The following GRHL2 variants were observed in gnomAD, a reference collection of about 807,000 sequenced individuals.
GRHL2 encodes grainyhead like transcription factor 2.
Under a neutral mutation model 83.8 loss-of-function variants are expected in GRHL2, and 21 were observed. That is an observed-to-expected ratio of 0.25 (90% CI 0.18 to 0.36). GRHL2 has a LOEUF of 0.36. GRHL2 is among the 10% of genes least tolerant of loss of function. The pLI is 1.00. For missense variants in GRHL2, 623 were observed against 781.8 expected (o/e 0.80, Z 2.42); for synonymous variants, 280 against 278.9 (o/e 1.00, Z -0.04).
At chr8:101,497,706 GC>G (rs1278891870) in intron 1 of GRHL2, among the ~76,000 whole-genome samples, 1 of 152,158 alleles carries the variant, frequency 6.6e-6, no homozygotes, top group Non-Finnish European at 1.5e-5. Context: ...CATTATAATT[GC>G]CTTAAATAGG....
chr8:101,577,341 A>G (rs1811953470), intron 6 of GRHL2, 67 bp from the exon 7 acceptor site: 2 of 976,750 alleles, frequency 2.0e-6, no homozygotes, highest in Admixed American at 1.9e-5. Context: ...TAGAACTTCC[A>G]GAACTGGAGA....
rs143927621 is a variant in GRHL2 at position 101,501,372 on chromosome 8, C to T, written c.20+8583C>T. 3.3e-4 allele frequency among the ~76,000 whole-genome samples: 50 copies of T among 152,298 alleles called. No homozygotes were observed. In the East Asian group the frequency reaches 9.4e-3, roughly 29 times the overall value. On this transcript the variant is annotated intron_variant, in intron 1 of 15. Transcript: ENST00000646743. ...TGGCTTCTCTTTATTTTGGCGCCAG[C>T]CTTTCATCTGAACTCTGAATATACA... is the stretch of plus-strand genomic sequence containing the variant.
In GRHL2 at chr8:101,558,399, C is replaced by T. The variant is rs1045509979; in HGVS notation, c.285-20C>T. The T allele has an allele frequency of 1.2e-6, 2 of 1,613,600 alleles. No homozygotes were observed. Among genetic ancestry groups the T allele is most frequent in the Non-Finnish European group, 1.7e-6 (2 of 1,179,796 alleles). Reference sequence around the variant, plus strand: ...TGATTTTTCTAATTCTATCATGTTGCGGGGGGTTTCAACACACAGAAACTG... The same window carrying T: ...TGATTTTTCTAATTCTATCATGTTGTGGGGGGTTTCAACACACAGAAACTG... On this transcript the variant is annotated intron_variant, in intron 3 of 15. Transcript: ENST00000646743.
intron 7 of GRHL2, among the ~76,000 whole-genome samples, chr8:101,595,659 C>G (rs138043874): frequency 4.6e-5 from 7 of 152,010 alleles, no homozygotes; most frequent in African/African-American, 1.7e-4. Flanking sequence ...AGTCGTATAA[C>G]CTTATTCTAA....
At chr8:101,528,339 A>G (rs1385490675) in intron 1 of GRHL2, among the ~76,000 whole-genome samples, 1 of 152,042 alleles carries the variant, frequency 6.6e-6, no homozygotes, top group African/African-American at 2.4e-5. Context: ...TCTAAAAATC[A>G]TGTAACTTGT....
At chr8:101,622,145 ATAAATAT>A (rs1812979601) in intron 9 of GRHL2, among the ~76,000 whole-genome samples, 1 of 152,232 alleles carries the variant, frequency 6.6e-6, no homozygotes, top group African/African-American at 2.4e-5. Context: ...AGTAAATAAA[ATAAATAT>A]TAAATCACTT....
chr8:101,608,907 T>C lies in GRHL2; in HGVS notation c.1098+9756T>C, dbSNP rs188064429. Among the ~76,000 whole-genome samples, 263 of 149,968 alleles carry C rather than the reference T, an allele frequency of 1.8e-3. 24 individuals are homozygous for C. The highest frequency in any genetic ancestry group is 5.9e-3 in the African/African-American group (233 of 39,704). On this transcript the variant is annotated intron_variant, in intron 8 of 15. Transcript: ENST00000646743. ...CAGGTGGACTTAGACATAAGGAAGT[T>C]GGAAGAAGAGTGTATGGTAGGGAAC... is the stretch of plus-strand genomic sequence containing the variant.
At chr8:101,622,138 A>G (rs1008259596) in intron 9 of GRHL2, among the ~76,000 whole-genome samples, 2 of 152,236 alleles carry the variant, frequency 1.3e-5, no homozygotes, top group Non-Finnish European at 2.9e-5. Context: ...GCATCTAAGT[A>G]AATAAAATAA....
At chr8:101,579,751 A>G (rs1371853691) in intron 7 of GRHL2, among the ~76,000 whole-genome samples, 1 of 152,194 alleles carries the variant, frequency 6.6e-6, no homozygotes, top group Admixed American at 6.5e-5. Flanking sequence ...AGGAGCACCG[A>G]TGGTGTCCTG....
chr8:101,576,287 C>A (rs1811931697), intron 6 of GRHL2, among the ~76,000 whole-genome samples: 1 of 152,156 alleles, frequency 6.6e-6, no homozygotes, highest in African/African-American at 2.4e-5. Context: ...GATCACTACT[C>A]ATTGAAGCCT....
At position 101,570,323 on chromosome 8, in the gene GRHL2, G is replaced by T; in HGVS notation, c.679-16G>T. On this transcript the variant is annotated splice_polypyrimidine_tract_variant and intron_variant, in intron 4 of 15. Coordinates refer to ENST00000646743, the MANE Select transcript of GRHL2 (RefSeq NM_024915.4). Reference sequence around the variant, plus strand: ...CTTACCTATTTGTTTTAATTCCGATGACTCATATTTTGCAGAAATTTCGGA... The same window carrying T: ...CTTACCTATTTGTTTTAATTCCGATTACTCATATTTTGCAGAAATTTCGGA... The T allele has an allele frequency of 6.2e-7, 1 of 1,607,222 alleles. No homozygotes were observed. Among genetic ancestry groups the T allele is most frequent in the South Asian group, 1.1e-5 (1 of 90,890 alleles).
chr8:101,503,538 A>T (rs887147865), intron 1 of GRHL2, among the ~76,000 whole-genome samples: 1 of 152,230 alleles, frequency 6.6e-6, no homozygotes, highest in Non-Finnish European at 1.5e-5. Flanking sequence ...ACTTTCTGGA[A>T]GGCAGTTTGG....
chr8:101,497,827 T>TA (rs1244987425), intron 1 of GRHL2, among the ~76,000 whole-genome samples: 1 of 152,238 alleles, frequency 6.6e-6, no homozygotes, highest in African/African-American at 2.4e-5. Flanking sequence ...CTGTGGACTT[T>TA]TACTTTATGC....
chr8:101,664,668 G>C, intron 15 of GRHL2, 150 bp downstream of exon 15: 1 of 662,882 alleles, frequency 1.5e-6, no homozygotes, highest in Non-Finnish European at 2.7e-6. Flanking sequence ...AGAGGAGATT[G>C]CATTTGGAAG....
chr8:101,595,398 AT>A (rs1450323232), intron 7 of GRHL2, among the ~76,000 whole-genome samples: 2 of 152,070 alleles, frequency 1.3e-5, no homozygotes, highest in Non-Finnish European at 2.9e-5. Flanking sequence ...GTTTGAACAA[AT>A]TTTCTTGGTT....
At chr8:101,642,308 G>A (rs553484852) in intron 12 of GRHL2, among the ~76,000 whole-genome samples, 51 of 152,318 alleles carry the variant, frequency 3.3e-4, no homozygotes, top group Non-Finnish European at 6.6e-4. Flanking sequence ...TATTTTAATG[G>A]CAGAGTTTGT....
intron 1 of GRHL2, among the ~76,000 whole-genome samples, chr8:101,534,154 C>T (rs1371509823): frequency 6.6e-6 from 1 of 152,182 alleles, no homozygotes; most frequent in Non-Finnish European, 1.5e-5. Context: ...CAAAACTTAG[C>T]AGCTAAACTA....
chr8:101,632,391 C>T, intron 11 of GRHL2, 26 bp downstream of exon 11: 1 of 1,613,650 alleles, frequency 6.2e-7, no homozygotes, highest in Non-Finnish European at 8.5e-7. Context: ...TAACGCCCAC[C>T]TCCCATCCAT....
intron 7 of GRHL2, among the ~76,000 whole-genome samples, chr8:101,592,506 C>G (rs115063994): frequency 2.0e-5 from 3 of 152,156 alleles, no homozygotes; most frequent in Non-Finnish European, 4.4e-5. Flanking sequence ...CATTTGCCAT[C>G]GAACAATATT....
Sources: gnomAD v4.1 joint callset for allele counts (sites outside exome capture counted in the v4.1 genomes callset) on GRCh38, gnomAD v4.1.1 for gene constraint, MANE v1.5 for transcripts, NCBI Gene and HGNC (gene_info 2026-07-23, HGNC 2026-07-21) for gene names.